The following LPCAT2 variants were observed in gnomAD, a reference collection of about 807,000 sequenced individuals.
LPCAT2 encodes the protein lysophosphatidylcholine acyltransferase 2.
Under a neutral mutation model 64.7 loss-of-function variants are expected in LPCAT2, and 58 were observed. The ratio of observed to expected loss-of-function variants is 0.90; its 90% confidence interval spans 0.73 to 1.12. LPCAT2 has a LOEUF of 1.12. Ranked by LOEUF, LPCAT2 falls within the 50% of genes most tolerant of loss-of-function variation. The probability of loss-of-function intolerance (pLI) is 0.00; values close to 1 mark genes in which losing one functional copy is unlikely to be tolerated. For synonymous variants in LPCAT2, 252 were observed against 245.3 expected, an observed-to-expected ratio of 1.03 and a Z score of -0.26; for missense variants, 579 against 669.8, an observed-to-expected ratio of 0.86 and a Z score of 1.50.
At chr16:55,552,028 C>T (rs376510387) in intron 11 of LPCAT2, among the ~76,000 whole-genome samples, 1 of 152,132 alleles carries the variant, frequency 6.6e-6, no homozygotes, top group Non-Finnish European at 1.5e-5. Context: ...CATGTAACTA[C>T]CACTGCATTC....
intron 8 of LPCAT2, 37 bp downstream of exon 8, chr16:55,537,669 T>C (rs1301151744): frequency 6.3e-7 from 1 of 1,588,300 alleles, no homozygotes; most frequent in African/African-American, 1.4e-5. Flanking sequence ...AACTTGAGAT[T>C]TGGCCTTTCC....
chr16:55,518,887 A>G (rs1963052422), intron 1 of LPCAT2, among the ~76,000 whole-genome samples: 1 of 152,184 alleles, frequency 6.6e-6, no homozygotes, highest in Non-Finnish European at 1.5e-5. Context: ...TTCTAGACAT[A>G]CAACGAAAGT....
intron 7 of LPCAT2, among the ~76,000 whole-genome samples, chr16:55,536,499 T>A (rs1335880255): frequency 6.6e-6 from 1 of 152,184 alleles, no homozygotes; most frequent in Admixed American, 6.5e-5. Flanking sequence ...GATTTTTTTC[T>A]TTCAAATGGA....
chr16:55,583,103 A>G lies in LPCAT2; in HGVS notation c.*5A>G. 6.2e-7 allele frequency: 1 copy of G among 1,608,398 alleles called. No homozygotes were observed. The highest frequency in any genetic ancestry group is 8.5e-7 in the Non-Finnish European group (1 of 1,176,566). On this transcript the variant is annotated 3_prime_UTR_variant, in exon 14 of 14. Transcript: ENST00000262134. ...TCAGACAAAAAAGATGACTGAAAGC[A>G]GTATTTCCAATAAGGAAAACACAGT...
At chr16:55,567,516 G>C in intron 11 of LPCAT2, 1 of 1,608,016 alleles carries the variant, frequency 6.2e-7, no homozygotes, top group Non-Finnish European at 8.5e-7. Context: ...TGGGAACTGA[G>C]AAGTCAAGAT....
chr16:55,583,385 A>T lies in LPCAT2; in HGVS notation c.*287A>T, dbSNP rs867380491. On this transcript the variant is annotated 3_prime_UTR_variant, in exon 14 of 14. Coordinates refer to ENST00000262134, the MANE Select transcript of LPCAT2 (RefSeq NM_017839.5). ...CAGTTTAATTTGCATATACAAATGA[A>T]TGCAATGGTCTATTGGTGAGCATTG... 8.9e-4 allele frequency: 238 copies of T among 267,922 alleles called. 2 individuals carry two copies. The highest frequency in any genetic ancestry group is 4.7e-3 in the African/African-American group (217 of 46,326). The allele number at this position is 267,922 out of a possible 1,614,324, so 16.6% of individuals were successfully genotyped here.
intron 1 of LPCAT2, among the ~76,000 whole-genome samples, chr16:55,517,766 T>G (rs555136301): frequency 6.6e-6 from 1 of 152,158 alleles, no homozygotes; most frequent in Non-Finnish European, 1.5e-5. Flanking sequence ...TTGACTCACT[T>G]TCATGATAAA....
chr16:55,579,185 CTGACCT>C lies in LPCAT2; in HGVS notation c.1395_1400del (p.Leu466_Asp467del), dbSNP rs1417469077. 2.4e-5 allele frequency: 38 copies of C among 1,613,416 alleles called. No homozygotes were observed. The highest frequency in any genetic ancestry group is 3.2e-5 in the Non-Finnish European group (38 of 1,179,694). On this transcript the variant is annotated inframe_deletion, in exon 13 of 14. Transcript: ENST00000262134. ...ATTCTACAGGCTTCCCTTGGAGTGC[CTGACCT>C]TGATGTTTCTGGTCTCTTCAAGGAA...
At chr16:55,545,145 G>T (rs1963439030) in intron 8 of LPCAT2, among the ~76,000 whole-genome samples, 1 of 152,104 alleles carries the variant, frequency 6.6e-6, no homozygotes, top group African/African-American at 2.4e-5. Context: ...AGAACATCAA[G>T]TGGAGAAAAA....
chr16:55,560,477 G>C (rs1287334084), intron 11 of LPCAT2, among the ~76,000 whole-genome samples: 4 of 152,088 alleles, frequency 2.6e-5, no homozygotes, highest in Admixed American at 2.0e-4. Flanking sequence ...GTGGGAATAA[G>C]GGTAAGTGAG....
chr16:55,533,050 G>A (rs776303165), intron 6 of LPCAT2, among the ~76,000 whole-genome samples, 168 bp downstream of exon 6: 1 of 152,036 alleles, frequency 6.6e-6, no homozygotes, highest in African/African-American at 2.4e-5. Context: ...TGCAAGATAG[G>A]CACATATCCA....
intron 11 of LPCAT2, among the ~76,000 whole-genome samples, chr16:55,573,723 T>C (rs1232914401): frequency 1.3e-5 from 2 of 152,082 alleles, no homozygotes; most frequent in Admixed American, 6.6e-5. Context: ...CCTCCACCTC[T>C]TTATCTTTTT....
chr16:55,578,122 A>G (rs1963848399), intron 12 of LPCAT2, among the ~76,000 whole-genome samples: 1 of 152,124 alleles, frequency 6.6e-6, no homozygotes, highest in African/African-American at 2.4e-5. Context: ...TGCTGCTTTT[A>G]AGCCTTTTCT....
At position 55,526,379 on chromosome 16, in the gene LPCAT2, C is replaced by G. The variant is rs146935137; in HGVS notation, c.311+732C>G. 2.1e-3 allele frequency among the ~76,000 whole-genome samples: 326 copies of G among 152,230 alleles called. 1 individual carries two copies. Among genetic ancestry groups the G allele is most frequent in the African/African-American group, 6.6e-3 (273 of 41,568 alleles). ...CATGGATTCCATGTGAATTCCAAATCTGTAGATGGGTTTCAGGGCATTGTC... is the reference window on the plus strand; with the variant it reads ...CATGGATTCCATGTGAATTCCAAATGTGTAGATGGGTTTCAGGGCATTGTC... On this transcript the variant is annotated intron_variant, in intron 2 of 13. Coordinates refer to ENST00000262134, the MANE Select transcript of LPCAT2 (RefSeq NM_017839.5).
intron 1 of LPCAT2, among the ~76,000 whole-genome samples, chr16:55,518,627 AC>A (rs1379933197): frequency 5.3e-5 from 8 of 152,238 alleles, no homozygotes; most frequent in Non-Finnish European, 1.0e-4. Context: ...GTAAATTCAT[AC>A]GTCTGTGGCC....
At chr16:55,574,562 A>T in intron 11 of LPCAT2, 69 bp from the exon 12 acceptor site, 1 of 1,061,466 alleles carries the variant, frequency 9.4e-7, no homozygotes, top group Non-Finnish European at 1.5e-6. Context: ...CCTGAATTTT[A>T]CCTTGTAGTA....
At chr16:55,570,949 TGTTG>T (rs1963763380) in intron 11 of LPCAT2, among the ~76,000 whole-genome samples, 1 of 152,204 alleles carries the variant, frequency 6.6e-6, no homozygotes, top group South Asian at 2.1e-4. Flanking sequence ...GACTTTTTTC[TGTTG>T]GTTGCTGCCA....
chr16:55,522,047 A>G (rs1243282603), intron 1 of LPCAT2, among the ~76,000 whole-genome samples: 3 of 151,728 alleles, frequency 2.0e-5, no homozygotes, highest in Non-Finnish European at 4.4e-5. Context: ...TGGAAAAAGT[A>G]TAACTGTCCT....
chr16:55,542,862 G>A (rs1175714414), intron 8 of LPCAT2, among the ~76,000 whole-genome samples: 1 of 152,112 alleles, frequency 6.6e-6, no homozygotes, highest in Non-Finnish European at 1.5e-5. Flanking sequence ...GAGTCTAGAA[G>A]AATATCTGTG....
Sources: allele counts gnomAD v4.1 joint callset (sites outside exome capture counted in the v4.1 genomes callset), GRCh38; gene constraint gnomAD v4.1.1; transcripts MANE v1.5; gene names NCBI Gene and HGNC (gene_info 2026-07-23, HGNC 2026-07-21).